MCOLN2: variants seen among roughly 807,000 people sequenced by gnomAD.
MCOLN2 encodes mucolipin TRP cation channel 2.
Under a neutral mutation model 67.5 loss-of-function variants are expected in MCOLN2, and 57 were observed. The observed-to-expected ratio is 0.84, with a 90% CI of 0.68 to 1.05. The LOEUF (loss-of-function observed/expected upper bound fraction) is 1.05. Among genes scored for constraint, MCOLN2 ranks in the 50% least tolerant of loss-of-function variants. The pLI is 0.00. For missense variants in MCOLN2, 620 were observed against 678.8 expected (o/e 0.91, Z 0.96); for synonymous variants, 246 against 233.3 (o/e 1.05, Z -0.50).
At chr1:84,990,279 C>T (rs991528802) in intron 1 of MCOLN2, among the ~76,000 whole-genome samples, 18 of 91,664 alleles carry the variant, frequency 2.0e-4, no homozygotes, top group Non-Finnish European at 3.3e-4. Context: ...GCCTGGGCAA[C>T]AGAATGAGAC....
At chr1:84,969,694 AC>A (rs1440937061) in intron 1 of MCOLN2, among the ~76,000 whole-genome samples, 1 of 148,204 alleles carries the variant, frequency 6.7e-6, no homozygotes, top group Non-Finnish European at 1.5e-5. Flanking sequence ...ACTCAACTTG[AC>A]CAACTTAATG....
chr1:84,978,558 C>T (rs1195963182), intron 1 of MCOLN2, among the ~76,000 whole-genome samples: 1 of 152,022 alleles, frequency 6.6e-6, no homozygotes, highest in Non-Finnish European at 1.5e-5. Context: ...AAATTCACAT[C>T]ATTATTGGAT....
intron 1 of MCOLN2, among the ~76,000 whole-genome samples, chr1:84,979,594 T>C (rs1026780251): frequency 6.6e-6 from 1 of 152,230 alleles, no homozygotes; most frequent in Admixed American, 6.5e-5. Context: ...TTTCAATTGA[T>C]GCTGAAAAAG....
chr1:84,954,500 C>T (rs565886614), intron 4 of MCOLN2, among the ~76,000 whole-genome samples: 2 of 152,328 alleles, frequency 1.3e-5, no homozygotes, highest in Non-Finnish European at 2.9e-5. Flanking sequence ...CTCATTTAAT[C>T]TTCAAAGCAA....
chr1:84,967,945 A>C (rs1360562704), intron 1 of MCOLN2, among the ~76,000 whole-genome samples: 1 of 152,130 alleles, frequency 6.6e-6, no homozygotes. Context: ...CTTCTTGAGG[A>C]GGGTGAAGAA....
At chr1:84,954,740 G>A (rs929112457) in intron 4 of MCOLN2, among the ~76,000 whole-genome samples, 6 of 152,182 alleles carry the variant, frequency 3.9e-5, no homozygotes, top group South Asian at 2.1e-4. Context: ...CAACTCATTC[G>A]TTTATTCAGT....
At chr1:84,954,353 A>G (rs1648669359) in intron 4 of MCOLN2, among the ~76,000 whole-genome samples, 2 of 152,228 alleles carry the variant, frequency 1.3e-5, no homozygotes, top group Admixed American at 1.3e-4. Context: ...TAATTAGTAC[A>G]GTGAGGGAAG....
chr1:84,936,374 A>G (rs530643260), intron 11 of MCOLN2, among the ~76,000 whole-genome samples: 4 of 152,310 alleles, frequency 2.6e-5, no homozygotes, highest in Non-Finnish European at 5.9e-5. Context: ...AATCCTCAGG[A>G]ACGGTATTTA....
intron 11 of MCOLN2, among the ~76,000 whole-genome samples, chr1:84,933,305 C>T (rs1420825868): frequency 6.6e-6 from 1 of 152,162 alleles, no homozygotes; most frequent in Admixed American, 6.5e-5. Flanking sequence ...CCGTGCCTTA[C>T]ACTACCAGCC....
chr1:84,941,449 A>G (rs1242617033), intron 7 of MCOLN2, among the ~76,000 whole-genome samples: 4 of 152,248 alleles, frequency 2.6e-5, no homozygotes, highest in Non-Finnish European at 4.4e-5. Flanking sequence ...GTGAGCCGAG[A>G]TCGTGCCACT....
chr1:84,977,658 A>G (rs1650058770), intron 1 of MCOLN2, among the ~76,000 whole-genome samples: 1 of 152,204 alleles, frequency 6.6e-6, no homozygotes, highest in African/African-American at 2.4e-5. Context: ...TCACTATATA[A>G]TGATAAAGGG....
Position 84,958,715 on chromosome 1 carries a change from A to G in MCOLN2, c.238-13T>C, listed in dbSNP as rs1488660603. ...CAAAACGAACAAGCTAAAAAATAAA[A>G]TAAAATAGAAACACATGAATTACAC... On this transcript the variant is annotated splice_polypyrimidine_tract_variant and intron_variant, in intron 2 of 13. Coordinates refer to ENST00000370608, the MANE Select transcript of MCOLN2 (RefSeq NM_153259.4). 1.9e-6 allele frequency: 3 copies of G among 1,558,368 alleles called. No homozygotes were observed. The highest frequency in any genetic ancestry group is 1.4e-5 in the African/African-American group (1 of 72,424).
intron 1 of MCOLN2, among the ~76,000 whole-genome samples, chr1:84,987,511 C>CAT (rs1448183869): frequency 7.5e-5 from 2 of 26,544 alleles, no homozygotes; most frequent in African/African-American, 2.5e-4. Flanking sequence ...TAGATGTATA[C>CAT]ATATGTATAT....
chr1:84,987,492 A>ATG lies in MCOLN2; in HGVS notation c.77+9302_77+9303dup, dbSNP rs1464601896. On this transcript the variant is annotated intron_variant, in intron 1 of 13. Coordinates refer to ENST00000370608, the MANE Select transcript of MCOLN2 (RefSeq NM_153259.4). ...TATAGATATATATACATATATACAT[A>ATG]TGTATACATAGATGTATACATATGT... is the stretch of plus-strand genomic sequence containing the variant. Among the ~76,000 whole-genome samples, 14 of 14,246 alleles carry ATG rather than the reference A, an allele frequency of 9.8e-4. 2 individuals carry two copies. The Admixed American group carries it at 0.017, about 18-fold the overall frequency. The allele number at this position is 14,246 out of a possible 152,430, so 9.3% of individuals were successfully genotyped here. A position where few individuals can be genotyped will look rare whatever the true frequency, so the allele number is the denominator to read the frequency against.
intron 2 of MCOLN2, among the ~76,000 whole-genome samples, chr1:84,959,380 T>C (rs1282724688): frequency 1.3e-5 from 2 of 152,142 alleles, no homozygotes; most frequent in Non-Finnish European, 2.9e-5. Context: ...AATGCCCACT[T>C]ATTCTCCCTT....
At chr1:84,963,627 A>C (rs1481094349) in intron 2 of MCOLN2, among the ~76,000 whole-genome samples, 1 of 152,096 alleles carries the variant, frequency 6.6e-6, no homozygotes, top group African/African-American at 2.4e-5. Flanking sequence ...TGTTCTCATG[A>C]TAGTGAGTGA....
chr1:84,947,108 T>G lies in MCOLN2; in HGVS notation c.772A>C (p.Ser258Arg). ...TCAAAATAGATTTTGATTTTGCCAC[T>G]GTGAGCTTTATTGTCAAAGATAATC... ...NTIIFDNKAH[S>R]GKIKIYFDSD... The change falls in exon 7 of 14, where the codon AGT (serine) becomes CGT (arginine). Residue 258 changes from serine to arginine, a missense_variant. Transcript: ENST00000370608. 1.3e-6 allele frequency: 2 copies of G among 1,589,778 alleles called. No homozygotes were observed. The highest frequency in any genetic ancestry group is 1.7e-6 in the Non-Finnish European group (2 of 1,158,540).
At chr1:84,966,787 G>A (rs933007565) in intron 1 of MCOLN2, among the ~76,000 whole-genome samples, 1 of 152,096 alleles carries the variant, frequency 6.6e-6, no homozygotes, top group African/African-American at 2.4e-5. Context: ...AATGAGACAT[G>A]GTTCACAGGA....
chr1:84,956,314 T>C, intron 4 of MCOLN2, 117 bp downstream of exon 4: 1 of 960,530 alleles, frequency 1.0e-6, no homozygotes, highest in Non-Finnish European at 1.6e-6. Flanking sequence ...TGTCAGCCCC[T>C]AACAGGTTAG....
Sources: gnomAD v4.1 joint callset for allele counts (sites outside exome capture counted in the v4.1 genomes callset) on GRCh38, gnomAD v4.1.1 for gene constraint, MANE v1.5 for transcripts, NCBI Gene and HGNC (gene_info 2026-07-23, HGNC 2026-07-21) for gene names.